The following WDPCP variants were observed in gnomAD, a reference collection of about 807,000 sequenced individuals.
The protein encoded by WDPCP is WD repeat containing planar cell polarity effector, also known as WD repeat-containing and planar cell polarity effector protein fritz homolog.
Under a neutral mutation model 93.1 loss-of-function variants are expected in WDPCP, and 71 were observed. The ratio of observed to expected loss-of-function variants is 0.76; its 90% CI spans 0.63 to 0.93. WDPCP has a LOEUF of 0.93. Ranked by LOEUF, WDPCP falls within the 40% of genes least tolerant of loss-of-function variation. WDPCP has a pLI of 0.00. For synonymous variants in WDPCP, 315 were observed against 315.0 expected, an observed-to-expected ratio of 1.00 and a Z score of 0.00; for missense variants, 844 against 887.4, an observed-to-expected ratio of 0.95 and a Z score of 0.62.
chr2:63,369,555 G>A, intron 12 of WDPCP: 1 of 455,786 alleles, frequency 2.2e-6, no homozygotes, highest in Non-Finnish European at 4.4e-6. Context: ...TAGAATTTGG[G>A]CAGAAAACAC....
chr2:63,135,842 C>T (rs903373024), intron 17 of WDPCP, among the ~76,000 whole-genome samples: 14 of 152,162 alleles, frequency 9.2e-5, no homozygotes, highest in Non-Finnish European at 1.9e-4. Context: ...GGCAATGCTC[C>T]TGCCTCAGCC....
rs115806250 is a variant in WDPCP, at chr2:63,634,265, T to C, written n.488+16394A>G. 4.7e-3 allele frequency among the ~76,000 whole-genome samples: 717 copies of C among 152,240 alleles called. 1 individual carries two copies. Among genetic ancestry groups the C allele is most frequent in the Middle Eastern group, 0.014 (4 of 294 alleles). On this transcript the variant is annotated intron_variant and non_coding_transcript_variant, in intron 3 of 4. Coordinates refer to the WDPCP transcript ENST00000467687. ...AAGAGAGCAGGGATAGCTATACTTA[T>C]ATCAAACAAAATAAACTATAAGTCA...
intron 2 of WDPCP, chr2:63,752,291 G>C (rs1027501105): frequency 4.8e-6 from 4 of 833,444 alleles, no homozygotes; most frequent in Admixed American, 3.4e-5. Context: ...ATGTTCTTCA[G>C]TGTCTTCTTT....
intron 2 of WDPCP, among the ~76,000 whole-genome samples, chr2:63,749,445 G>C (rs1295683104): frequency 6.6e-6 from 1 of 152,084 alleles, no homozygotes; most frequent in Non-Finnish European, 1.5e-5. Flanking sequence ...GTGGTGCAAA[G>C]GTGATGTGCA....
intron 1 of WDPCP, among the ~76,000 whole-genome samples, chr2:63,535,917 G>C (rs1298412803): frequency 6.6e-6 from 1 of 152,208 alleles, no homozygotes; most frequent in African/African-American, 2.4e-5. Context: ...CCAGCAGAGT[G>C]AACAGGCAAC....
At chr2:63,152,100 T>C (rs1276685894) in intron 17 of WDPCP, among the ~76,000 whole-genome samples, 1 of 152,118 alleles carries the variant, frequency 6.6e-6, no homozygotes, top group Non-Finnish European at 1.5e-5. Flanking sequence ...GCATTATTTA[T>C]AAAAATTATA....
intron 9 of WDPCP, among the ~76,000 whole-genome samples, chr2:63,423,032 A>G (rs1695988926): frequency 1.3e-5 from 2 of 152,344 alleles, no homozygotes; most frequent in Non-Finnish European, 1.5e-5. Flanking sequence ...AAAAGTCATG[A>G]TAGTAGTTAC....
chr2:63,181,778 G>GT (rs376768044), intron 14 of WDPCP, among the ~76,000 whole-genome samples: 2,990 of 149,124 alleles, frequency 0.02, 106 homozygotes, highest in African/African-American at 0.069. Flanking sequence ...CATCTGTATG[G>GT]TTTTTTTTTA....
chr2:63,387,309 A>G (rs777274978), intron 10 of WDPCP, among the ~76,000 whole-genome samples: 5 of 152,128 alleles, frequency 3.3e-5, no homozygotes, highest in Non-Finnish European at 7.4e-5. Context: ...TTATCCCTAG[A>G]TGTAAGGTTA....
intron 1 of WDPCP, among the ~76,000 whole-genome samples, chr2:63,502,918 T>C (rs1214527608): frequency 6.6e-6 from 1 of 152,228 alleles, no homozygotes; most frequent in East Asian, 1.9e-4. Context: ...GATGATGCTA[T>C]TTCAACATGA....
chr2:63,491,244 C>T (rs576846178), intron 2 of WDPCP, among the ~76,000 whole-genome samples: 2 of 152,234 alleles, frequency 1.3e-5, no homozygotes, highest in African/African-American at 4.8e-5. Context: ...TCTGTTTCTT[C>T]AGAGACCCAT....
chr2:63,610,622 C>G (rs1709604673), intron 3 of WDPCP, among the ~76,000 whole-genome samples: 1 of 151,894 alleles, frequency 6.6e-6, no homozygotes, highest in African/African-American at 2.4e-5. Context: ...TCACCTGACT[C>G]CCACCCATTT....
chr2:63,652,705 C>T (rs1710121864), intron 2 of WDPCP, among the ~76,000 whole-genome samples: 1 of 152,214 alleles, frequency 6.6e-6, no homozygotes, highest in African/African-American at 2.4e-5. Flanking sequence ...ATGCAGTTGG[C>T]TCTGAAGATA....
intron 13 of WDPCP, among the ~76,000 whole-genome samples, chr2:63,274,066 G>A (rs1682884782): frequency 6.6e-6 from 1 of 152,072 alleles, no homozygotes; most frequent in Non-Finnish European, 1.5e-5. Context: ...TCGTCAGCAC[G>A]TGGAATATTC....
intron 1 of WDPCP, among the ~76,000 whole-genome samples, chr2:63,581,017 T>G (rs1297633555): frequency 6.6e-6 from 1 of 152,304 alleles, no homozygotes; most frequent in African/African-American, 2.4e-5. Context: ...AAGTTCTTTT[T>G]ACTATTCTTA....
chr2:63,488,532 A>C (rs941046586), intron 2 of WDPCP, among the ~76,000 whole-genome samples: 1 of 152,056 alleles, frequency 6.6e-6, no homozygotes, highest in Non-Finnish European at 1.5e-5. Context: ...ATAAGGATTT[A>C]TTGCGAAAAA....
At chr2:63,634,096 A>G (rs941616926) in intron 3 of WDPCP, among the ~76,000 whole-genome samples, 3 of 152,152 alleles carry the variant, frequency 2.0e-5, no homozygotes, top group African/African-American at 7.2e-5. Flanking sequence ...ACTAGCAAAC[A>G]TAGACTGCCT....
chr2:63,567,386 T>C (rs1486510290), intron 1 of WDPCP, among the ~76,000 whole-genome samples: 1 of 152,238 alleles, frequency 6.6e-6, no homozygotes, highest in African/African-American at 2.4e-5. Flanking sequence ...TTTTAGAAGC[T>C]ATGTGCTAAA....
At chr2:63,765,077 C>G (rs891679806) in intron 2 of WDPCP, among the ~76,000 whole-genome samples, 61 of 152,168 alleles carry the variant, frequency 4.0e-4, no homozygotes, top group South Asian at 1.2e-3. Context: ...GACAGATATA[C>G]TCCCTGTCTC....
Sources: allele counts gnomAD v4.1 joint callset (sites outside exome capture counted in the v4.1 genomes callset), GRCh38; gene constraint gnomAD v4.1.1; transcripts MANE v1.5; gene names NCBI Gene and HGNC (gene_info 2026-07-23, HGNC 2026-07-21).